The following USH2A variants were observed in gnomAD, a reference collection of about 807,000 sequenced individuals.
The protein encoded by USH2A is usherin, also known as Usher syndrome 2A (autosomal recessive, mild).
A neutral mutation model predicts 538.9 loss-of-function variants in USH2A; 443 were observed. The observed-to-expected ratio is 0.82, with a 90% CI of 0.76 to 0.89. The LOEUF (loss-of-function observed/expected upper bound fraction) is 0.89. Ranked by LOEUF, USH2A falls within the 40% of genes least tolerant of loss-of-function variation. USH2A has a pLI of 0.00. For synonymous variants in USH2A, 2,413 were observed against 2,273.5 expected, an observed-to-expected ratio of 1.06 and a Z score of -1.75; for missense variants, 6,633 against 6,324.8, an observed-to-expected ratio of 1.05 and a Z score of -1.65.
rs373551475 is a variant in USH2A, at chr1:215,648,762, G to A, written c.14348C>T (p.Ser4783Phe). Residue 4783 changes from serine to phenylalanine, a missense_variant, in exon 66 of 72, where the codon TCC (serine) becomes TTC (phenylalanine). Ser to Phe is a radical substitution (Grantham distance 155). Coordinates refer to ENST00000307340, the MANE Select transcript of USH2A (RefSeq NM_206933.4). ...SSAHGAETVL[S>F]EGMATQQTLH... ...AGTCTGCTGGGTGGCCATGCCTTCG[G>A]ATAGCTGTGGAAGGAAGGAAGGCTA... The A allele has an allele frequency of 1.2e-6, 2 of 1,613,718 alleles. No individual in the cohort carries two copies. The highest frequency in any genetic ancestry group is 1.7e-5 in the Admixed American group (1 of 60,022).
At chr1:215,700,089 GT>G (rs1658956669) in intron 61 of USH2A, among the ~76,000 whole-genome samples, 1 of 152,112 alleles carries the variant, frequency 6.6e-6, no homozygotes, top group African/African-American at 2.4e-5. Flanking sequence ...CATTGTTTCT[GT>G]TTTTGTGATA....
intron 55 of USH2A, among the ~76,000 whole-genome samples, chr1:215,778,292 T>C (rs1661521976): frequency 6.6e-6 from 1 of 152,188 alleles, no homozygotes; most frequent in African/African-American, 2.4e-5. Context: ...CCTCAGGTGA[T>C]CCGGCTGCCT....
chr1:216,161,985 T>C (rs1252452697), intron 21 of USH2A, among the ~76,000 whole-genome samples: 2 of 152,050 alleles, frequency 1.3e-5, no homozygotes, highest in Non-Finnish European at 2.9e-5. Context: ...CTTTGTCTTT[T>C]ATTTTAAGCA....
chr1:215,667,823 G>C (rs1657681423), intron 64 of USH2A, among the ~76,000 whole-genome samples: 1 of 152,028 alleles, frequency 6.6e-6, no homozygotes, highest in Admixed American at 6.6e-5. Context: ...AGTTGATTTA[G>C]ACTAGTGAAA....
At chr1:216,295,365 A>G (rs1448741168) in intron 9 of USH2A, among the ~76,000 whole-genome samples, 2 of 151,230 alleles carry the variant, frequency 1.3e-5, no homozygotes, top group Non-Finnish European at 3.0e-5. Context: ...AAAGCCAAGT[A>G]AAAAAAAATT....
At chr1:216,361,117 AC>A (rs2038482703) in intron 4 of USH2A, among the ~76,000 whole-genome samples, 1 of 152,090 alleles carries the variant, frequency 6.6e-6, no homozygotes, top group African/African-American at 2.4e-5. Context: ...ATATACAGAG[AC>A]CTGATTCACG....
At chr1:215,678,538 T>C (rs1658111483) in intron 62 of USH2A, among the ~76,000 whole-genome samples, 1 of 152,264 alleles carries the variant, frequency 6.6e-6, no homozygotes, top group Admixed American at 6.5e-5. Flanking sequence ...GTCAACTTGA[T>C]TCAAATGATA....
intron 38 of USH2A, among the ~76,000 whole-genome samples, chr1:215,912,477 GTATATATATATATGTGTATATA>G (rs1665820625): frequency 1.3e-4 from 2 of 15,418 alleles, no homozygotes; most frequent in Non-Finnish European, 3.0e-4. Flanking sequence ...ATATATATAC[GTATATATATATATGTGTATATA>G]TATATATATA....
At chr1:216,169,171 G>A (rs1250341219) in intron 21 of USH2A, among the ~76,000 whole-genome samples, 2 of 152,068 alleles carry the variant, frequency 1.3e-5, no homozygotes, top group Non-Finnish European at 2.9e-5. Flanking sequence ...GAGTATATAG[G>A]AACACACGTG....
intron 64 of USH2A, among the ~76,000 whole-genome samples, chr1:215,661,226 C>T (rs1558042100): frequency 1.3e-5 from 2 of 152,282 alleles, no homozygotes; most frequent in East Asian, 3.9e-4. Context: ...CCTTCTCTGG[C>T]TTGGTCTGTA....
intron 21 of USH2A, among the ~76,000 whole-genome samples, chr1:216,110,699 T>C (rs1339673104): frequency 6.6e-6 from 1 of 152,112 alleles, no homozygotes; most frequent in African/African-American, 2.4e-5. Context: ...AGTGATTAAT[T>C]TTGTTGAAAT....
In USH2A at chr1:216,000,386, A is replaced by T; in HGVS notation, c.6485+17T>A. 6.2e-7 allele frequency: 1 copy of T among 1,613,312 alleles called. No homozygotes were observed. The highest frequency in any genetic ancestry group is 1.3e-5 in the African/African-American group (1 of 74,996). On this transcript the variant is annotated intron_variant, in intron 33 of 71. Transcript: ENST00000307340. ...TTGCATGAACCAGCATGTGAGAGAGACAACATTTCTACTTACTGTATGTGT... is the reference window on the plus strand; with the variant it reads ...TTGCATGAACCAGCATGTGAGAGAGTCAACATTTCTACTTACTGTATGTGT...
intron 64 of USH2A, among the ~76,000 whole-genome samples, chr1:215,662,981 A>G (rs967145247): frequency 1.1e-4 from 17 of 152,244 alleles, no homozygotes; most frequent in African/African-American, 3.6e-4. Context: ...AGCTAATTGC[A>G]TAAAAGTAGA....
chr1:216,024,724 T>G (rs1418196729), intron 32 of USH2A, among the ~76,000 whole-genome samples: 2 of 152,034 alleles, frequency 1.3e-5, no homozygotes, highest in Non-Finnish European at 2.9e-5. Flanking sequence ...CTATGCATTT[T>G]ATGTGATGAG....
intron 22 of USH2A, among the ~76,000 whole-genome samples, chr1:216,096,448 T>C (rs1558256479): frequency 6.6e-6 from 1 of 152,216 alleles, no homozygotes; most frequent in Non-Finnish European, 1.5e-5. Flanking sequence ...CCTGACCAAC[T>C]TTTCTTCATT....
chr1:215,709,993 A>T (rs1214032741), intron 61 of USH2A, among the ~76,000 whole-genome samples: 1 of 152,234 alleles, frequency 6.6e-6, no homozygotes, highest in Non-Finnish European at 1.5e-5. Context: ...TAAAATATTT[A>T]CACTGCCTCT....
intron 15 of USH2A, among the ~76,000 whole-genome samples, chr1:216,210,416 G>T (rs995258904): frequency 1.3e-5 from 2 of 151,992 alleles, no homozygotes; most frequent in Non-Finnish European, 2.9e-5. Flanking sequence ...ATATGACCCT[G>T]TGATCAATCA....
intron 11 of USH2A, among the ~76,000 whole-genome samples, chr1:216,252,639 A>G (rs1466981784): frequency 2.0e-5 from 3 of 152,240 alleles, no homozygotes; most frequent in African/African-American, 4.8e-5. Flanking sequence ...ATAAATGGTT[A>G]TATGCAAACC....
chr1:216,383,140 C>T (rs534063416), intron 3 of USH2A, among the ~76,000 whole-genome samples: 108 of 152,146 alleles, frequency 7.1e-4, no homozygotes, highest in Non-Finnish European at 1.1e-3. Context: ...AAAAATAATC[C>T]TTAAGCTTGT....
Sources: gnomAD v4.1 joint callset for allele counts (sites outside exome capture counted in the v4.1 genomes callset) on GRCh38, gnomAD v4.1.1 for gene constraint, MANE v1.5 for transcripts, NCBI Gene and HGNC (gene_info 2026-07-23, HGNC 2026-07-21) for gene names.